The following TANC1 variants were observed in gnomAD, a reference collection of about 807,000 sequenced individuals.
The protein encoded by TANC1 is protein TANC1.
A neutral mutation model predicts 149.7 loss-of-function variants in TANC1; 77 were observed. The ratio of observed to expected loss-of-function variants is 0.51; its 90% confidence interval spans 0.43 to 0.62. The LOEUF (loss-of-function observed/expected upper bound fraction) is 0.62. Ranked by LOEUF, TANC1 falls within the 20% of genes least tolerant of loss-of-function variation. TANC1 has a pLI of 0.00. For synonymous variants in TANC1, 854 were observed against 925.0 expected, an observed-to-expected ratio of 0.92 and a Z score of 1.39; for missense variants, 1,985 against 2,321.8, an observed-to-expected ratio of 0.85 and a Z score of 2.98.
At chr2:158,988,217 CAGG>C (rs912879796) in intron 1 of TANC1, among the ~76,000 whole-genome samples, 4 of 150,660 alleles carry the variant, frequency 2.7e-5, no homozygotes, top group African/African-American at 9.8e-5. Context: ...CCCAGCTACT[CAGG>C]AGGCTGAGGC....
At chr2:159,059,519 A>ATG (rs1362864330) in intron 2 of TANC1, among the ~76,000 whole-genome samples, 1 of 146,470 alleles carries the variant, frequency 6.8e-6, no homozygotes, top group Non-Finnish European at 1.5e-5. Flanking sequence ...AAAACCAAAT[A>ATG]TATAAAAAAA....
At chr2:159,100,279 G>A (rs1049966847) in intron 4 of TANC1, among the ~76,000 whole-genome samples, 1 of 152,164 alleles carries the variant, frequency 6.6e-6, no homozygotes, top group Non-Finnish European at 1.5e-5. Context: ...CAGTGTTTTA[G>A]TGGGACTTTA....
At chr2:159,222,297 A>G (rs1210665910) in intron 22 of TANC1, among the ~76,000 whole-genome samples, 3 of 152,198 alleles carry the variant, frequency 2.0e-5, no homozygotes, top group Non-Finnish European at 4.4e-5. Flanking sequence ...TTCTAAACAT[A>G]TAGAGTTCAG....
At chr2:159,190,282 G>A (rs1358046038) in intron 16 of TANC1, among the ~76,000 whole-genome samples, 1 of 152,126 alleles carries the variant, frequency 6.6e-6, no homozygotes, top group African/African-American at 2.4e-5. Context: ...GAAGGTATGG[G>A]GTTGATGGGG....
chr2:159,033,657 G>A (rs1384323111), intron 2 of TANC1, among the ~76,000 whole-genome samples: 1 of 152,188 alleles, frequency 6.6e-6, no homozygotes, highest in Non-Finnish European at 1.5e-5. Context: ...CAGGTAGCAA[G>A]CAGGTATTCC....
rs1032893354 is a variant in TANC1, at chr2:159,136,374, G to A, written c.364+76G>A. On this transcript the variant is annotated intron_variant, in intron 5 of 26. Coordinates refer to ENST00000263635, the MANE Select transcript of TANC1 (RefSeq NM_033394.3). Reference sequence around the variant, plus strand: ...GACACTTCATTTCTGAATGAAACTTGAGTGTCCTTGCAGTACTGCTTTGCT... The same window carrying A: ...GACACTTCATTTCTGAATGAAACTTAAGTGTCCTTGCAGTACTGCTTTGCT... The A allele has an allele frequency of 5.1e-5, 45 of 880,092 alleles. No individual in the cohort carries two copies. The African/African-American group carries it at 7.4e-4, about 14-fold the overall frequency. The allele number at this position is 880,092 out of a possible 1,614,324, so 54.5% of individuals were successfully genotyped here.
At position 159,065,895 on chromosome 2, in the gene TANC1, G is replaced by C; in HGVS notation, c.-15-1G>C. 6.2e-7 allele frequency: 1 copy of C among 1,612,338 alleles called. No homozygotes were observed. Among genetic ancestry groups the C allele is most frequent in the Non-Finnish European group, 8.5e-7 (1 of 1,178,478 alleles). On this transcript the variant is annotated splice_acceptor_variant, in intron 2 of 26. Transcript: ENST00000263635. LOFTEE classifies it low-confidence loss of function (5UTR_SPLICE). ...CTTCTCTCTGTTTCTTTTCTCCTTA[G>C]AAACAAGTGTTGAAAATGTTAAAGG...
At chr2:159,132,542 G>A (rs976647012) in intron 4 of TANC1, among the ~76,000 whole-genome samples, 3 of 152,052 alleles carry the variant, frequency 2.0e-5, no homozygotes, top group African/African-American at 7.2e-5. Flanking sequence ...AGGCTGGAGT[G>A]CAGTGGTGTG....
intron 4 of TANC1, among the ~76,000 whole-genome samples, chr2:159,133,414 G>T (rs1021822347): frequency 6.6e-6 from 1 of 151,010 alleles, no homozygotes; most frequent in South Asian, 2.1e-4. Context: ...GAGCACAGTG[G>T]TGCAATCACG....
At position 158,996,883 on chromosome 2, in the gene TANC1, C is replaced by A. The variant is rs533429257; in HGVS notation, c.-125-4197C>A. ...TTTAGATAAAATAGACATGAAAGAACTTTAGTGTATGCAAATTTATAAAAC... is the reference window on the plus strand; with the variant it reads ...TTTAGATAAAATAGACATGAAAGAAATTTAGTGTATGCAAATTTATAAAAC... On this transcript the variant is annotated intron_variant, in intron 1 of 26. Transcript: ENST00000263635. Among the ~76,000 whole-genome samples the A allele has an allele frequency of 1.9e-4, 29 of 151,814 alleles. 1 individual carries two copies. Among genetic ancestry groups the A allele is most frequent in the African/African-American group, 6.8e-4 (28 of 41,386 alleles).
chr2:159,181,424 C>T (rs1443822265), intron 14 of TANC1, among the ~76,000 whole-genome samples: 1 of 152,018 alleles, frequency 6.6e-6, no homozygotes, highest in African/African-American at 2.4e-5. Flanking sequence ...AGCCTTCCCA[C>T]GTAGCTGGGA....
chr2:158,991,554 C>A (rs903428567), intron 1 of TANC1, among the ~76,000 whole-genome samples: 3 of 151,634 alleles, frequency 2.0e-5, no homozygotes, highest in East Asian at 3.9e-4. Flanking sequence ...GAGATTGAGA[C>A]CATCCTGGCT....
intron 4 of TANC1, among the ~76,000 whole-genome samples, chr2:159,124,883 A>G (rs1026721494): frequency 4.4e-5 from 5 of 113,126 alleles, no homozygotes; most frequent in Non-Finnish European, 8.5e-5. Context: ...CACCAAGTAC[A>G]GGCACGCACC....
intron 2 of TANC1, among the ~76,000 whole-genome samples, chr2:159,029,894 G>A (rs1183354596): frequency 6.6e-6 from 1 of 152,118 alleles, no homozygotes. Flanking sequence ...TTGCCATCTT[G>A]TCCAGGCTGG....
Position 159,168,362 on chromosome 2 carries a change from C to T in TANC1, c.947-888C>T, listed in dbSNP as rs1370503878. ...TCACCCAGGCTGGAGTGTAGTGGCACGATCCTGGCTCACTGCAACCTCTGC... is the reference window on the plus strand; with the variant it reads ...TCACCCAGGCTGGAGTGTAGTGGCATGATCCTGGCTCACTGCAACCTCTGC... On this transcript the variant is annotated intron_variant, in intron 8 of 26. Coordinates refer to ENST00000263635, the MANE Select transcript of TANC1 (RefSeq NM_033394.3). Among the ~76,000 whole-genome samples the T allele has an allele frequency of 2.0e-5, 3 of 146,634 alleles. No homozygotes were observed. The East Asian group carries it at 6.0e-4, about 29-fold the overall frequency.
intron 4 of TANC1, among the ~76,000 whole-genome samples, chr2:159,105,245 C>T (rs112195392): frequency 0.17 from 25,681 of 149,166 alleles, 2,309 homozygotes; most frequent in Middle Eastern, 0.25. Context: ...CCGCCCACCT[C>T]GGCCTCCCAG....
chr2:159,031,080 A>AT (rs1015923327), intron 2 of TANC1, among the ~76,000 whole-genome samples: 4 of 152,186 alleles, frequency 2.6e-5, no homozygotes, highest in Non-Finnish European at 5.9e-5. Flanking sequence ...TTAGCAGCAG[A>AT]TTATCCAGAG....
intron 3 of TANC1, among the ~76,000 whole-genome samples, chr2:159,069,197 C>T (rs1023667220): frequency 9.2e-5 from 14 of 152,218 alleles, no homozygotes; most frequent in South Asian, 2.1e-4. Flanking sequence ...AATAGAGGCA[C>T]GGTGGAGAAT....
chr2:159,081,515 A>C (rs1049302136), intron 3 of TANC1, among the ~76,000 whole-genome samples: 1 of 152,040 alleles, frequency 6.6e-6, no homozygotes, highest in African/African-American at 2.4e-5. Flanking sequence ...CTCTGTGTGC[A>C]TGTCACCACC....
Sources: gnomAD v4.1 joint callset for allele counts (sites outside exome capture counted in the v4.1 genomes callset) on GRCh38, gnomAD v4.1.1 for gene constraint, MANE v1.5 for transcripts, NCBI Gene and HGNC (gene_info 2026-07-23, HGNC 2026-07-21) for gene names.